The following ACTR1A variants were observed in gnomAD, a reference collection of about 807,000 sequenced individuals.
The protein encoded by ACTR1A is actin related protein 1A, also known as alpha-centractin.
Under a neutral mutation model 50.7 loss-of-function variants are expected in ACTR1A, and 10 were observed. That is an observed-to-expected ratio of 0.20 (90% CI 0.12 to 0.33). ACTR1A has a LOEUF of 0.33. Among genes scored for constraint, ACTR1A ranks in the 10% least tolerant of loss-of-function variants. The pLI is 1.00. For missense variants in ACTR1A, 253 were observed against 491.7 expected, an observed-to-expected ratio of 0.51 and a Z score of 4.59; for synonymous variants, 177 against 184.2, an observed-to-expected ratio of 0.96 and a Z score of 0.32.
Position 102,482,165 on chromosome 10 carries a change from G to T in ACTR1A, c.761C>A (p.Ser254Tyr). Residue 254 changes from serine (S) to tyrosine (Y), a missense_variant, in exon 8 of 11, where the codon TCC (serine) becomes TAC (tyrosine). Physicochemically the swap from Ser to Tyr is moderately radical, Grantham distance 144. This residue lies in a region of ACTR1A where 116 missense variants were observed against 155.9 expected (regional missense o/e 0.74). Transcript: ENST00000369905. This position sits in a 1 kb window ranked among gnomAD's most constrained non-coding sequence, Gnocchi z 5.6. ...PDGSTIEIGP[S>Y]RFRAPELLFR... The stretch of plus-strand genomic sequence containing the variant: ...GAGCAACTCAGGGGCCCGGAATCGG[G>T]AAGGACCAATCTGCAGGTAGGAGGG... 6.2e-7 allele frequency: 1 copy of T among 1,612,696 alleles called. No homozygotes were observed. The highest frequency in any genetic ancestry group is 8.5e-7 in the Non-Finnish European group (1 of 1,180,026).
chr10:102,494,765 C>A (rs1264668812), intron 1 of ACTR1A, among the ~76,000 whole-genome samples: 2 of 152,310 alleles, frequency 1.3e-5, no homozygotes, highest in Non-Finnish European at 2.9e-5. Context: ...AGAGACCAGC[C>A]TGGGCAACAT....
chr10:102,481,207 C>T (rs191057369), intron 9 of ACTR1A, 35 bp from the exon 10 acceptor site: 1 of 1,551,974 alleles, frequency 6.4e-7, no homozygotes, highest in Non-Finnish European at 8.7e-7. Context: ...TCTGAGACTT[C>T]CAGCCCTCCC....
chr10:102,497,115 G>C (rs564384547), intron 1 of ACTR1A, among the ~76,000 whole-genome samples: 3 of 148,452 alleles, frequency 2.0e-5, no homozygotes, highest in African/African-American at 7.4e-5. Context: ...GGAGGTGGAG[G>C]TTGCAGTGAG....
chr10:102,482,581 C>T lies in ACTR1A; in HGVS notation c.751-406G>A. The T allele has an allele frequency of 3.7e-6, 1 of 268,508 alleles. No individual in the cohort carries two copies. Among genetic ancestry groups the T allele is most frequent in the Non-Finnish European group, 7.1e-6 (1 of 139,972 alleles). 16.6% of individuals were successfully genotyped at this position (268,508 alleles called of 1,614,324 possible). Reference sequence around the variant, plus strand: ...TGGGACAATCCCTTAGGAGCTTCCTCCCCTCTAGCGGGAGGGAGCAAAGTT... The same window carrying T: ...TGGGACAATCCCTTAGGAGCTTCCTTCCCTCTAGCGGGAGGGAGCAAAGTT... On this transcript the variant is annotated intron_variant, in intron 7 of 10. Coordinates refer to ENST00000369905, the MANE Select transcript of ACTR1A (RefSeq NM_005736.4). The surrounding 1 kb of genome is among the most constrained non-coding windows in gnomAD (Gnocchi z 5.6).
In ACTR1A at chr10:102,482,797, A is replaced by G. The variant is rs2062150286; in HGVS notation, c.750+214T>C. On this transcript the variant is annotated intron_variant, in intron 7 of 10. Transcript: ENST00000369905. The surrounding 1 kb of genome is among the most constrained non-coding windows in gnomAD (Gnocchi z 5.6). ...TGCTGAGCTAAAAAAAAAAATTGCAAAAGAATCTCATAATGTTTTAAGAAA... is the reference window on the plus strand; with the variant it reads ...TGCTGAGCTAAAAAAAAAAATTGCAGAAGAATCTCATAATGTTTTAAGAAA... The G allele has an allele frequency of 1.8e-6, 1 of 566,720 alleles. No homozygotes were observed. Among genetic ancestry groups the G allele is most frequent in the Non-Finnish European group, 3.1e-6 (1 of 318,002 alleles). The allele number at this position is 566,720 out of a possible 1,614,324, so 35.1% of individuals were successfully genotyped here. A position where few individuals can be genotyped will look rare whatever the true frequency, so the allele number is the denominator to read the frequency against.
rs751693730 is a variant in ACTR1A at position 102,490,625 on chromosome 10, GGAGA to G, written c.49-16_49-13del. 5 of 1,608,774 alleles carry G rather than the reference GGAGA, an allele frequency of 3.1e-6. No individual in the cohort carries two copies. The highest frequency in any genetic ancestry group is 4.3e-6 in the Non-Finnish European group (5 of 1,175,312). ...ATCACACCGGATCCCTGAGGAAAGA[GGAGA>G]GAGAATGAGGAGTCAGAACTATCAC... On this transcript the variant is annotated splice_polypyrimidine_tract_variant and intron_variant, in intron 1 of 10. Transcript: ENST00000369905.
Position 102,482,162 on chromosome 10 carries a change from C to T in ACTR1A, c.764G>A (p.Arg255Gln), listed in dbSNP as rs568740960. The T allele has an allele frequency of 5.0e-6, 8 of 1,612,776 alleles. No homozygotes were observed. The highest frequency in any genetic ancestry group is 1.1e-5 in the South Asian group (1 of 91,070). The stretch of plus-strand genomic sequence containing the variant: ...GAAGAGCAACTCAGGGGCCCGGAAT[C>T]GGGAAGGACCAATCTGCAGGTAGGA... ...DGSTIEIGPSRFRAPELLFRP... is the reference protein window; with the variant it reads ...DGSTIEIGPSQFRAPELLFRP... The change falls in exon 8 of 11, where the codon CGA becomes CAA. Residue 255 changes from arginine (R) to glutamine (Q), a missense_variant. Physicochemically the swap from Arg to Gln is conservative, Grantham distance 43. Around this residue, in one of 4 missense-constraint regions of ACTR1A, gnomAD observed 116 missense variants for 155.9 expected, o/e 0.74. Transcript: ENST00000369905. The surrounding 1 kb of genome is among the most constrained non-coding windows in gnomAD (Gnocchi z 5.6).
At chr10:102,496,899 C>T (rs1013124220) in intron 1 of ACTR1A, among the ~76,000 whole-genome samples, 6 of 152,120 alleles carry the variant, frequency 3.9e-5, no homozygotes, top group African/African-American at 1.4e-4. Context: ...GAGTGTGGGG[C>T]TGGGCGTGGT....
intron 1 of ACTR1A, among the ~76,000 whole-genome samples, chr10:102,500,517 C>G (rs954079852): frequency 4.6e-5 from 7 of 151,812 alleles, no homozygotes; most frequent in Non-Finnish European, 8.8e-5. Flanking sequence ...TGCAGTGAGC[C>G]GAGATCGCGC....
chr10:102,493,872 G>A (rs1429840070), intron 1 of ACTR1A, among the ~76,000 whole-genome samples: 1 of 152,212 alleles, frequency 6.6e-6, no homozygotes, highest in Non-Finnish European at 1.5e-5. Context: ...TGAAATGACA[G>A]AAGCCCCAGG....
intron 1 of ACTR1A, among the ~76,000 whole-genome samples, chr10:102,491,956 A>T (rs1182776721): frequency 1.4e-5 from 2 of 141,952 alleles, no homozygotes; most frequent in Non-Finnish European, 3.0e-5. Flanking sequence ...TTTTTAGTAG[A>T]GACAGGGTTT....
intron 1 of ACTR1A, among the ~76,000 whole-genome samples, chr10:102,494,961 C>T (rs1771352297): frequency 6.6e-6 from 1 of 152,034 alleles, no homozygotes; most frequent in African/African-American, 2.4e-5. Flanking sequence ...CAGGTGTGCG[C>T]CACCACGCCC....
At chr10:102,487,834 T>C (rs962476558) in intron 4 of ACTR1A, among the ~76,000 whole-genome samples, 1 of 151,990 alleles carries the variant, frequency 6.6e-6, no homozygotes, top group Admixed American at 6.6e-5. Context: ...GGTTTCACCG[T>C]GTTAGCCAGG....
intron 1 of ACTR1A, among the ~76,000 whole-genome samples, chr10:102,495,030 C>T (rs150314510): frequency 2.6e-5 from 4 of 151,922 alleles, no homozygotes; most frequent in Admixed American, 6.6e-5. Flanking sequence ...AGGCTGGTCT[C>T]GAACTCCTGA....
chr10:102,493,981 G>T (rs1158885431), intron 1 of ACTR1A, among the ~76,000 whole-genome samples: 1 of 152,216 alleles, frequency 6.6e-6, no homozygotes, highest in Admixed American at 6.6e-5. Context: ...GGCCTGCCAT[G>T]CCAGTCATAG....
intron 5 of ACTR1A, 85 bp from the exon 6 acceptor site, chr10:102,484,461 G>T: frequency 8.2e-7 from 1 of 1,217,736 alleles, no homozygotes; most frequent in Non-Finnish European, 1.2e-6. Context: ...TTCAATGTCA[G>T]CTAAACTAAA....
At chr10:102,481,001 AG>A (rs781779852) in intron 10 of ACTR1A, 36 bp from the exon 11 acceptor site, 24 of 1,591,360 alleles carry the variant, frequency 1.5e-5, no homozygotes, top group Non-Finnish European at 2.1e-5. Context: ...TGTGTGAGAG[AG>A]AAGTGGCTGT....
intron 1 of ACTR1A, among the ~76,000 whole-genome samples, chr10:102,497,252 T>C (rs1168894125): frequency 6.6e-6 from 1 of 151,830 alleles, no homozygotes; most frequent in Non-Finnish European, 1.5e-5. Flanking sequence ...AAGAGTTTGA[T>C]AACTGTTACA....
At chr10:102,493,881 G>A (rs1471484255) in intron 1 of ACTR1A, among the ~76,000 whole-genome samples, 1 of 152,180 alleles carries the variant, frequency 6.6e-6, no homozygotes, top group African/African-American at 2.4e-5. Context: ...AGAAGCCCCA[G>A]GCAGAGGCGG....
Sources: allele counts gnomAD v4.1 joint callset (sites outside exome capture counted in the v4.1 genomes callset), GRCh38; gene constraint gnomAD v4.1.1; regional missense constraint gnomAD v4.1.1; non-coding constraint Gnocchi (gnomAD v3.1); transcripts MANE v1.5; gene names NCBI Gene and HGNC (gene_info 2026-07-23, HGNC 2026-07-21).